AFG2A: variants seen among roughly 807,000 people sequenced by gnomAD.
AFG2A encodes the protein AAA ATPase AFG2A.
the AFG2A span, among the ~76,000 whole-genome samples, chr4:122,925,300 TC>T: frequency 6.6e-6 from 1 of 152,250 alleles, no homozygotes. Context: ...TGACTGATTT[TC>T]CAGCTTCCAA....
chr4:122,977,983 G>T, the AFG2A span, among the ~76,000 whole-genome samples: 2 of 152,158 alleles, frequency 1.3e-5, no homozygotes, highest in Non-Finnish European at 2.9e-5. Context: ...TCATCCTGAT[G>T]AGTGTCCTGC....
At chr4:123,027,079 G>A in the AFG2A span, among the ~76,000 whole-genome samples, 1 of 152,022 alleles carries the variant, frequency 6.6e-6, no homozygotes, top group East Asian at 1.9e-4. Flanking sequence ...TCCTTCCAGT[G>A]AGTTTTCAGT....
chr4:123,101,084 A>T, the AFG2A span, among the ~76,000 whole-genome samples: 1 of 151,930 alleles, frequency 6.6e-6, no homozygotes, highest in Admixed American at 6.6e-5. Context: ...TTATTCATTG[A>T]TAGCAAAGGC....
chr4:123,126,347 C>T, the AFG2A span, among the ~76,000 whole-genome samples: 1 of 152,114 alleles, frequency 6.6e-6, no homozygotes, highest in Non-Finnish European at 1.5e-5. Flanking sequence ...ATTGGCTCTA[C>T]AAATCTTTTT....
At chr4:122,936,181 G>A in the AFG2A span, 1 of 1,573,016 alleles carries the variant, frequency 6.4e-7, no homozygotes, top group East Asian at 2.3e-5. Flanking sequence ...TAAATGTTTT[G>A]GAATTAATAA....
the AFG2A span, among the ~76,000 whole-genome samples, chr4:123,013,679 G>A: frequency 3.3e-5 from 5 of 152,054 alleles, no homozygotes; most frequent in South Asian, 1.0e-3. Context: ...GGGTTGGTAG[G>A]TGCAGCAAAT....
the AFG2A span, chr4:122,929,306 A>C: frequency 7.7e-7 from 1 of 1,292,686 alleles, no homozygotes. Context: ...GTAACATTTT[A>C]AAAAGTAGAG....
At chr4:123,198,193 C>T in the AFG2A span, among the ~76,000 whole-genome samples, 2 of 151,472 alleles carry the variant, frequency 1.3e-5, no homozygotes, top group African/African-American at 2.4e-5. Context: ...CGCTTGAGCC[C>T]GGGAGGTGCA....
chr4:123,053,227 C>T, the AFG2A span, among the ~76,000 whole-genome samples: 2 of 152,216 alleles, frequency 1.3e-5, no homozygotes, highest in Admixed American at 6.5e-5. Flanking sequence ...ATCACAGAGA[C>T]TCTCTGAGCC....
the AFG2A span, among the ~76,000 whole-genome samples, chr4:123,003,923 G>GAGGC: frequency 2.0e-5 from 3 of 152,222 alleles, no homozygotes; most frequent in East Asian, 1.9e-4. Context: ...GGAGCCTACA[G>GAGGC]AGGCAGGCAG....
chr4:123,132,260 G>A, the AFG2A span, among the ~76,000 whole-genome samples: 2 of 152,052 alleles, frequency 1.3e-5, no homozygotes, highest in Non-Finnish European at 2.9e-5. Flanking sequence ...TGTGGCTGAG[G>A]GTTTGTATCC....
At chr4:123,284,641 A>T in the AFG2A span, among the ~76,000 whole-genome samples, 1 of 152,126 alleles carries the variant, frequency 6.6e-6, no homozygotes, top group Non-Finnish European at 1.5e-5. Flanking sequence ...ATTATTGTAT[A>T]TGTTATTAGG....
chr4:122,966,325 C>T, the AFG2A span, among the ~76,000 whole-genome samples: 1 of 152,138 alleles, frequency 6.6e-6, no homozygotes, highest in Non-Finnish European at 1.5e-5. Context: ...TCTAACAATC[C>T]ACCATACTTT....
At chr4:123,043,097 TTGTC>T in the AFG2A span, among the ~76,000 whole-genome samples, 1 of 152,236 alleles carries the variant, frequency 6.6e-6, no homozygotes, top group Non-Finnish European at 1.5e-5. Flanking sequence ...CAGCTTCTGT[TTGTC>T]TGATAATATC....
chr4:123,055,142 C>G, the AFG2A span, among the ~76,000 whole-genome samples: 1 of 152,164 alleles, frequency 6.6e-6, no homozygotes, highest in Non-Finnish European at 1.5e-5. Context: ...TATATCAGTT[C>G]TGTTCAAGTG....
the AFG2A span, among the ~76,000 whole-genome samples, chr4:123,131,425 T>G: frequency 6.6e-6 from 1 of 152,144 alleles, no homozygotes; most frequent in Non-Finnish European, 1.5e-5. Flanking sequence ...TTAAGTATAT[T>G]CACATTGTTG....
chr4:123,213,718 A>G, the AFG2A span, among the ~76,000 whole-genome samples: 1 of 152,192 alleles, frequency 6.6e-6, no homozygotes, highest in African/African-American at 2.4e-5. Context: ...CATTTGCTCC[A>G]TTGTTGAGGG....
At chr4:123,024,735 A>T in the AFG2A span, among the ~76,000 whole-genome samples, 2 of 152,230 alleles carry the variant, frequency 1.3e-5, no homozygotes, top group Non-Finnish European at 2.9e-5. Context: ...TCAGAGTCAG[A>T]GGTGAATGCT....
the AFG2A span, among the ~76,000 whole-genome samples, chr4:123,034,174 T>TTAG: frequency 1.3e-5 from 2 of 151,960 alleles, no homozygotes; most frequent in Non-Finnish European, 2.9e-5. Context: ...ATATGGAAAC[T>TTAG]CCCAAATAAG....
Sources: allele counts gnomAD v4.1 joint callset (sites outside exome capture counted in the v4.1 genomes callset), GRCh38; gene constraint gnomAD v4.1.1; transcripts MANE v1.5; gene names NCBI Gene and HGNC (gene_info 2026-07-23, HGNC 2026-07-21).